The following DTD1 variants were observed in gnomAD, a reference collection of about 807,000 sequenced individuals.
DTD1 encodes the protein D-aminoacyl-tRNA deacylase 1, also known as D-tyrosyl-tRNA deacylase 1 homolog.
DTD1 carries 13 observed loss-of-function variants against 25.6 expected under a neutral mutation model. That is an observed-to-expected ratio of 0.51 (90% CI 0.33 to 0.81). The LOEUF is 0.81. Among genes scored for constraint, DTD1 ranks in the 30% least tolerant of loss-of-function variants. The pLI is 0.02. For synonymous variants in DTD1, 110 were observed against 103.6 expected, an observed-to-expected ratio of 1.06 and a Z score of -0.37; for missense variants, 193 against 266.4, an observed-to-expected ratio of 0.72 and a Z score of 1.92.
At chr20:18,673,702 C>G (rs2060959195) in intron 4 of DTD1, among the ~76,000 whole-genome samples, 1 of 152,110 alleles carries the variant, frequency 6.6e-6, no homozygotes, top group Admixed American at 6.6e-5. Flanking sequence ...ACACAGAGGT[C>G]TTTTTACCAG....
At chr20:18,676,968 C>T (rs1323668214) in intron 4 of DTD1, among the ~76,000 whole-genome samples, 1 of 152,188 alleles carries the variant, frequency 6.6e-6, no homozygotes, top group African/African-American at 2.4e-5. Flanking sequence ...GTGCGTTTCT[C>T]TTGTTTTTAT....
chr20:18,740,073 G>C (rs1303678823), intron 4 of DTD1, among the ~76,000 whole-genome samples: 1 of 152,132 alleles, frequency 6.6e-6, no homozygotes, highest in Non-Finnish European at 1.5e-5. Context: ...TGCATCTGTG[G>C]TGTCTGTGCC....
rs946083099 is a variant in DTD1 at position 18,731,896 on chromosome 20, C to T, written c.478-12204C>T. On this transcript the variant is annotated intron_variant, in intron 4 of 5. Transcript: ENST00000377452. ...CCTTGAAGCCTTGGGGAATGTACTT[C>T]TATTTACTCCTCCTGCTCCCAGGCC... Among the ~76,000 whole-genome samples, 6 of 152,166 alleles carry T rather than the reference C, an allele frequency of 3.9e-5. No homozygotes were observed. In the South Asian group the frequency reaches 8.3e-4, roughly 21 times the overall value.
Position 18,666,219 on chromosome 20 carries a change from T to G in DTD1, c.477+37986T>G, listed in dbSNP as rs79360219. Reference sequence around the variant, plus strand: ...CTAGTGATAGACTATGGTTCTGGGTTTTTGGGATGAGTACCAAAAAGCTGA... The same window carrying G: ...CTAGTGATAGACTATGGTTCTGGGTGTTTGGGATGAGTACCAAAAAGCTGA... On this transcript the variant is annotated intron_variant, in intron 4 of 5. Transcript: ENST00000377452. 3.5e-3 allele frequency among the ~76,000 whole-genome samples: 527 copies of G among 152,334 alleles called. 1 individual carries two copies. The highest frequency in any genetic ancestry group is 0.012 in the African/African-American group (485 of 41,568).
intron 3 of DTD1, chr20:18,611,154 C>G (rs1255249502): frequency 6.6e-6 from 1 of 152,272 alleles, no homozygotes; most frequent in Non-Finnish European, 1.5e-5. Flanking sequence ...ACCTTTTCTC[C>G]TTTCATACAG....
chr20:18,748,198 C>A (rs56064243), intron 5 of DTD1, among the ~76,000 whole-genome samples: 3 of 141,080 alleles, frequency 2.1e-5, no homozygotes, highest in African/African-American at 7.8e-5. Flanking sequence ...CACACACACA[C>A]AAATACAAAT....
chr20:18,649,326 CTTTTTTTTT>C (rs55766733), intron 4 of DTD1, among the ~76,000 whole-genome samples: 1,628 of 57,520 alleles, frequency 0.028, 15 homozygotes, highest in Non-Finnish European at 0.032. Context: ...ATTCATCTTT[CTTTTTTTTT>C]TTTTTTTTTT....
rs560640886 is a variant in DTD1, at chr20:18,749,486, T to C, written c.*19+5215T>C. On this transcript the variant is annotated intron_variant, in intron 5 of 5. Coordinates refer to ENST00000377452, the MANE Select transcript of DTD1 (RefSeq NM_080820.6). The surrounding 1 kb of genome is among the most constrained non-coding windows in gnomAD (Gnocchi z 4.2). ...TGAGGGGGCAGCTTCATTAGGAGGT[T>C]GGGGGTCATGGCCTCAGCTCTTCAT... Among the ~76,000 whole-genome samples the C allele has an allele frequency of 6.6e-6, 1 of 152,038 alleles. No individual in the cohort carries two copies. The highest frequency in any genetic ancestry group is 1.9e-4 in the East Asian group (1 of 5,152).
intron 4 of DTD1, among the ~76,000 whole-genome samples, chr20:18,708,252 T>TTTTTTA (rs2061138740): frequency 3.1e-5 from 1 of 31,794 alleles, no homozygotes; most frequent in Admixed American, 5.8e-4. Context: ...ATAATATATA[T>TTTTTTA]TATATATATA....
At chr20:18,622,445 A>T (rs1302002954) in intron 3 of DTD1, among the ~76,000 whole-genome samples, 1 of 152,222 alleles carries the variant, frequency 6.6e-6, no homozygotes, top group Non-Finnish European at 1.5e-5. Context: ...TTCTAGCCAA[A>T]TTAAGAGTTT....
intron 4 of DTD1, among the ~76,000 whole-genome samples, chr20:18,648,321 G>A (rs989876996): frequency 6.6e-6 from 1 of 152,130 alleles, no homozygotes; most frequent in Non-Finnish European, 1.5e-5. Context: ...AATTCCCAGT[G>A]CATAGGCTGT....
chr20:18,750,026 T>C (rs763153116), intron 5 of DTD1, among the ~76,000 whole-genome samples: 3 of 152,152 alleles, frequency 2.0e-5, no homozygotes, highest in Non-Finnish European at 4.4e-5. Context: ...GCAGTGACGG[T>C]GTCAGGCATG....
At chr20:18,617,084 G>C (rs6081249) in intron 3 of DTD1, among the ~76,000 whole-genome samples, 1 of 152,076 alleles carries the variant, frequency 6.6e-6, no homozygotes, top group Admixed American at 6.6e-5. Context: ...ATGAATTGCA[G>C]GATCAGCTCT....
intron 4 of DTD1, among the ~76,000 whole-genome samples, chr20:18,734,051 A>G (rs1184658298): frequency 6.6e-6 from 1 of 152,264 alleles, no homozygotes; most frequent in Non-Finnish European, 1.5e-5. Context: ...GAGAAAACAA[A>G]TTATTCACAT....
chr20:18,625,605 C>T (rs1009930697), intron 3 of DTD1, among the ~76,000 whole-genome samples: 3 of 152,224 alleles, frequency 2.0e-5, no homozygotes, highest in Admixed American at 2.0e-4. Flanking sequence ...CAATCCTGCG[C>T]ATCCAGATCA....
At chr20:18,600,127 A>C (rs996020301) in intron 3 of DTD1, among the ~76,000 whole-genome samples, 2 of 152,154 alleles carry the variant, frequency 1.3e-5, no homozygotes, top group African/African-American at 2.4e-5. Context: ...TTAGCTTATC[A>C]ATTCTTATTT....
At chr20:18,606,870 A>G (rs2060661407) in intron 3 of DTD1, among the ~76,000 whole-genome samples, 1 of 150,784 alleles carries the variant, frequency 6.6e-6, no homozygotes, top group South Asian at 2.1e-4. Context: ...TGGCACATGT[A>G]TACATATGTA....
intron 4 of DTD1, among the ~76,000 whole-genome samples, chr20:18,741,423 A>AT (rs2061277748): frequency 6.6e-6 from 1 of 152,180 alleles, no homozygotes; most frequent in Non-Finnish European, 1.5e-5. Context: ...TGTCACGTGC[A>AT]TTTTGTGGAG....
At chr20:18,594,658 A>G (rs1206528788) in intron 2 of DTD1, among the ~76,000 whole-genome samples, 1 of 152,218 alleles carries the variant, frequency 6.6e-6, no homozygotes, top group African/African-American at 2.4e-5. Context: ...TGTTAGATTG[A>G]AAATCAGACT....
Sources: allele counts gnomAD v4.1 joint callset (sites outside exome capture counted in the v4.1 genomes callset), GRCh38; gene constraint gnomAD v4.1.1; non-coding constraint Gnocchi (gnomAD v3.1); transcripts MANE v1.5; gene names NCBI Gene and HGNC (gene_info 2026-07-23, HGNC 2026-07-21).